CIMAP1D: variants seen among roughly 807,000 people sequenced by gnomAD.
CIMAP1D encodes CIMAP1 family member D.
At chr19:478,776 C>A in the CIMAP1D span, among the ~76,000 whole-genome samples, 6 of 152,268 alleles carry the variant, frequency 3.9e-5, no homozygotes, top group Non-Finnish European at 8.8e-5. Context: ...CTGCCGGCTG[C>A]AGGCGAGGGA....
At chr19:480,770 AAAAC>A in the CIMAP1D span, among the ~76,000 whole-genome samples, 1 of 135,666 alleles carries the variant, frequency 7.4e-6, no homozygotes, top group African/African-American at 3.0e-5. Flanking sequence ...ACGATGATGG[AAAAC>A]GATGATGGAG....
the CIMAP1D span, among the ~76,000 whole-genome samples, chr19:476,470 G>A: frequency 1.3e-5 from 2 of 152,252 alleles, no homozygotes; most frequent in Admixed American, 6.5e-5. Flanking sequence ...GATTACAAGC[G>A]TAAGCCACCG....
chr19:464,398 G>T, the CIMAP1D span: 1 of 1,298,990 alleles, frequency 7.7e-7, no homozygotes, highest in Non-Finnish European at 1.1e-6. Flanking sequence ...TGGCACTGAT[G>T]TCCTCACCTG....
At chr19:463,582 CACCTG>C in the CIMAP1D span, 5 of 538,480 alleles carry the variant, frequency 9.3e-6, no homozygotes, top group African/African-American at 8.0e-5. Context: ...TCCCTTTCCC[CACCTG>C]GCCTGGCCTG....
chr19:474,071 T>C, the CIMAP1D span, among the ~76,000 whole-genome samples: 4 of 151,720 alleles, frequency 2.6e-5, no homozygotes, highest in South Asian at 2.1e-4. Context: ...ACAGACGCCA[T>C]GTGTTGTGGC....
chr19:464,653 C>G, the CIMAP1D span, among the ~76,000 whole-genome samples: 1 of 152,228 alleles, frequency 6.6e-6, no homozygotes, highest in East Asian at 1.9e-4. Flanking sequence ...CAGAGCCCCA[C>G]AGCCTGGGTT....
chr19:487,702 A>G, the CIMAP1D span, among the ~76,000 whole-genome samples: 1 of 152,120 alleles, frequency 6.6e-6, no homozygotes, highest in East Asian at 1.9e-4. Context: ...AGGGGGGATC[A>G]GCTGAGGTCA....
the CIMAP1D span, among the ~76,000 whole-genome samples, chr19:479,443 C>T: frequency 2.2e-5 from 3 of 138,804 alleles, no homozygotes; most frequent in South Asian, 2.3e-4. Context: ...TCACCCTTGT[C>T]GCCCAGGCTG....
At chr19:470,104 T>A in the CIMAP1D span, among the ~76,000 whole-genome samples, 1 of 151,868 alleles carries the variant, frequency 6.6e-6, no homozygotes. Context: ...GTGTGCACGA[T>A]CCCCAGTCCA....
chr19:488,144 G>C, the CIMAP1D span, among the ~76,000 whole-genome samples: 1 of 152,102 alleles, frequency 6.6e-6, no homozygotes, highest in Non-Finnish European at 1.5e-5. Context: ...GATGGCCCCG[G>C]CCGAATAAAC....
the CIMAP1D span, among the ~76,000 whole-genome samples, chr19:479,387 CTTCT>C: frequency 8.4e-6 from 1 of 118,384 alleles, no homozygotes; most frequent in African/African-American, 3.2e-5. Context: ...CCCTTTTCTT[CTTCT>C]TTTTCTCTTT....
At chr19:488,230 C>CA in the CIMAP1D span, among the ~76,000 whole-genome samples, 4,815 of 146,584 alleles carry the variant, frequency 0.033, 201 homozygotes, top group East Asian at 0.22. Context: ...ACTAAAAATA[C>CA]AAAAAAAAAA....
chr19:487,305 C>A, the CIMAP1D span, among the ~76,000 whole-genome samples: 11 of 152,254 alleles, frequency 7.2e-5, no homozygotes, highest in East Asian at 1.7e-3. Flanking sequence ...GGGCCTTTTC[C>A]CTTGGAGAGC....
chr19:470,159 T>C, the CIMAP1D span, among the ~76,000 whole-genome samples: 1 of 151,382 alleles, frequency 6.6e-6, no homozygotes, highest in African/African-American at 2.4e-5. Context: ...GTCCTGAGAC[T>C]GGATTTGAAC....
the CIMAP1D span, among the ~76,000 whole-genome samples, chr19:491,401 C>T: frequency 1.3e-5 from 2 of 152,210 alleles, no homozygotes; most frequent in Non-Finnish European, 2.9e-5. Context: ...AGTCTCTCGA[C>T]GCGACGCCGT....
the CIMAP1D span, among the ~76,000 whole-genome samples, chr19:470,189 T>C: frequency 6.7e-6 from 1 of 148,684 alleles, no homozygotes; most frequent in Admixed American, 6.8e-5. Context: ...CAGATCGGTC[T>C]GGGTCATAGG....
At chr19:474,830 C>G in the CIMAP1D span, 1 of 1,222,398 alleles carries the variant, frequency 8.2e-7, no homozygotes, top group South Asian at 1.8e-5. Context: ...GCCACAGGCC[C>G]AGGCACCGTC....
At chr19:482,446 G>C in the CIMAP1D span, among the ~76,000 whole-genome samples, 7 of 152,188 alleles carry the variant, frequency 4.6e-5, no homozygotes, top group Admixed American at 2.6e-4. Flanking sequence ...TTGGCTGCCA[G>C]GACCAGGAGT....
the CIMAP1D span, among the ~76,000 whole-genome samples, chr19:471,820 G>A: frequency 6.6e-6 from 1 of 151,594 alleles, no homozygotes; most frequent in South Asian, 2.1e-4. Flanking sequence ...TCGGCTCACC[G>A]CAAGCTCCGC....
Sources: allele counts gnomAD v4.1 joint callset (sites outside exome capture counted in the v4.1 genomes callset), GRCh38; gene constraint gnomAD v4.1.1; transcripts MANE v1.5; gene names NCBI Gene and HGNC (gene_info 2026-07-23, HGNC 2026-07-21).